The following AP2A1 variants were observed in gnomAD, a reference collection of about 807,000 sequenced individuals.
AP2A1 encodes AP-2 complex subunit alpha-1.
AP2A1 carries 21 observed loss-of-function variants against 107.3 expected under a neutral mutation model. That is an observed-to-expected ratio of 0.20 (90% CI 0.14 to 0.28). The LOEUF (loss-of-function observed/expected upper bound fraction) is 0.28, where lower values mean the gene tolerates loss of function less well. Ranked by LOEUF, AP2A1 falls within the 10% of genes least tolerant of loss-of-function variation. The pLI is 1.00. For synonymous variants in AP2A1, 602 were observed against 564.8 expected (o/e 1.07, Z -0.93); for missense variants, 873 against 1,307.7 (o/e 0.67, Z 5.13).
intron 1 of AP2A1, among the ~76,000 whole-genome samples, chr19:49,778,886 G>A (rs549127793): frequency 7.6e-6 from 1 of 132,182 alleles, no homozygotes; most frequent in South Asian, 2.3e-4. Context: ...GTATATATAC[G>A]TATTTATGAC....
At chr19:49,790,600 A>G (rs1370875905) in intron 4 of AP2A1, among the ~76,000 whole-genome samples, 1 of 152,036 alleles carries the variant, frequency 6.6e-6, no homozygotes, top group East Asian at 1.9e-4. Flanking sequence ...GGGTCTCACC[A>G]TGTTGCCCAG....
At chr19:49,790,892 C>T (rs1255546845) in intron 4 of AP2A1, among the ~76,000 whole-genome samples, 4 of 152,226 alleles carry the variant, frequency 2.6e-5, no homozygotes, top group African/African-American at 9.6e-5. Context: ...CGAAGGGGTC[C>T]GGGGGCAGCT....
At chr19:49,801,668 C>T in intron 13 of AP2A1, 47 bp downstream of exon 13, 1 of 1,318,932 alleles carries the variant, frequency 7.6e-7, no homozygotes, top group Non-Finnish European at 1.0e-6. Flanking sequence ...CACCCCCTTC[C>T]CGCCCTCCCC....
chr19:49,802,465 C>A, intron 15 of AP2A1: 4 of 1,486,756 alleles, frequency 2.7e-6, no homozygotes, highest in Non-Finnish European at 3.7e-6. Context: ...TGCCCTCTCG[C>A]TGCCTATGTG....
chr19:49,791,938 C>T lies in AP2A1; in HGVS notation c.477C>T (p.Asp159=), dbSNP rs755250496. ...GCCCTGCATGGTGTCCCCACAGGGACAGCATGGACAGTGTCAAGCAGAGTG... is the reference window on the plus strand; with the variant it reads ...GCCCTGCATGGTGTCCCCACAGGGATAGCATGGACAGTGTCAAGCAGAGTG... ...ADIPRILVAG[D]SMDSVKQSAA... is the part of the protein sequence containing the mutation. The change falls in exon 5 of 23, where the codon GAC becomes GAT. Residue 159 remains aspartate (D), a synonymous_variant. Transcript: ENST00000354293. 1.4e-5 allele frequency: 22 copies of T among 1,607,700 alleles called. No homozygotes were observed. The South Asian group carries it at 2.2e-4, about 16-fold the overall frequency.
chr19:49,793,166 C>G, intron 6 of AP2A1, 74 bp downstream of exon 6: 1 of 1,352,476 alleles, frequency 7.4e-7, no homozygotes, highest in Non-Finnish European at 1.0e-6. Context: ...CCTCAGGCCC[C>G]CACTCTCCCT....
Position 49,802,022 on chromosome 19 carries a change from A to T in AP2A1, c.1995A>T (p.Ala665=). Residue 665 remains alanine, a synonymous_variant, in exon 15 of 23, where the codon GCA becomes GCT. Transcript: ENST00000354293. ...CCGCCGACCTCCTGGGGCTGCGGGCAGCCCCTCCCCCGGCAGCACCCCCGG... is the reference window on the plus strand; with the variant it reads ...CCGCCGACCTCCTGGGGCTGCGGGCTGCCCCTCCCCCGGCAGCACCCCCGG... ...SPSADLLGLR[A]APPPAAPPAS... 6.4e-7 allele frequency: 1 copy of T among 1,560,626 alleles called. No individual in the cohort carries two copies. Among genetic ancestry groups the T allele is most frequent in the Non-Finnish European group, 8.6e-7 (1 of 1,158,542 alleles).
intron 18 of AP2A1, chr19:49,804,860 C>T (rs114198499): frequency 0.013 from 1,909 of 152,178 alleles, 34 homozygotes; most frequent in South Asian, 0.077. Context: ...GGATTACAGG[C>T]GTGAGCCGCC....
At chr19:49,791,767 C>T in intron 4 of AP2A1, 168 bp from the exon 5 acceptor site, 1 of 727,452 alleles carries the variant, frequency 1.4e-6, no homozygotes, top group Non-Finnish European at 2.2e-6. Flanking sequence ...GACACTGAGT[C>T]CTGGTGGGCC....
chr19:49,802,418 C>G, intron 15 of AP2A1: 3 of 1,072,176 alleles, frequency 2.8e-6, no homozygotes, highest in Non-Finnish European at 4.2e-6. Flanking sequence ...CTCCTTCTCT[C>G]CTTCCCTCTT....
rs374406474 is a variant in AP2A1 at position 49,769,893 on chromosome 19, G to A, written c.67+2693G>A. ...GGGTTGGTGATACATTTTTTTTTCC[G>A]AGACAGTCTCTGTTGCCCAGGTTGG... On this transcript the variant is annotated intron_variant, in intron 1 of 22. Transcript: ENST00000354293. 5.9e-5 allele frequency among the ~76,000 whole-genome samples: 9 copies of A among 151,774 alleles called. 1 individual carries two copies. The highest frequency in any genetic ancestry group is 6.6e-5 in the Admixed American group (1 of 15,232).
intron 21 of AP2A1, 30 bp downstream of exon 21, chr19:49,805,971 T>A: frequency 1.9e-6 from 3 of 1,613,424 alleles, no homozygotes; most frequent in Non-Finnish European, 2.5e-6. Context: ...TTTGCCGGCC[T>A]ATGGCTGCTT....
At chr19:49,792,303 C>T (rs538502181) in intron 5 of AP2A1, among the ~76,000 whole-genome samples, 1 of 144,712 alleles carries the variant, frequency 6.9e-6, no homozygotes, top group African/African-American at 2.6e-5. Context: ...CACCTCAGCC[C>T]TCACGCCCCC....
At chr19:49,805,230 C>T (rs1467716013) in intron 18 of AP2A1, 2 of 512,610 alleles carry the variant, frequency 3.9e-6, no homozygotes, top group Non-Finnish European at 3.4e-6. Flanking sequence ...TGTCTCAGTG[C>T]GGTGTGACAT....
intron 7 of AP2A1, 95 bp downstream of exon 7, chr19:49,795,833 C>A: frequency 2.0e-6 from 2 of 984,322 alleles, no homozygotes; most frequent in South Asian, 1.4e-5. Context: ...ACTGGAGGGT[C>A]TGGGTCAGGA....
Position 49,785,189 on chromosome 19 carries a change from G to A in AP2A1, c.473+2465G>A, listed in dbSNP as rs1329825612. 6.6e-6 allele frequency among the ~76,000 whole-genome samples: 1 copy of A among 152,194 alleles called. No homozygotes were observed. Among genetic ancestry groups the A allele is most frequent in the Non-Finnish European group, 1.5e-5 (1 of 68,038 alleles). On this transcript the variant is annotated intron_variant, in intron 4 of 22. Transcript: ENST00000354293. The surrounding 1 kb of genome is among the most constrained non-coding windows in gnomAD (Gnocchi z 4.1). Reference sequence around the variant, plus strand: ...AATGGATGAAAGAGGCTGATCCCCAGATTCAAATAGGCCAGGAAATCATAA... The same window carrying A: ...AATGGATGAAAGAGGCTGATCCCCAAATTCAAATAGGCCAGGAAATCATAA...
chr19:49,799,706 G>C lies in AP2A1; in HGVS notation c.1212G>C (p.Gln404His). The change falls in exon 10 of 23, where the codon CAG (glutamine) becomes CAC (histidine). Residue 404 changes from glutamine to histidine, a missense_variant. Transcript: ENST00000354293. Reference protein sequence around the residue: ...YAMCDRSNAKQIVSEMLRYLE... With the variant: ...YAMCDRSNAKHIVSEMLRYLE... ...TGTGTGACCGGAGCAATGCCAAGCA[G>C]ATCGTGTCGGAGATGCTGCGGTACC... 6.2e-7 allele frequency: 1 copy of C among 1,613,438 alleles called. No homozygotes were observed. Among genetic ancestry groups the C allele is most frequent in the Non-Finnish European group, 8.5e-7 (1 of 1,179,896 alleles).
intron 7 of AP2A1, among the ~76,000 whole-genome samples, chr19:49,797,862 C>T (rs990676014): frequency 2.0e-5 from 3 of 152,192 alleles, no homozygotes; most frequent in African/African-American, 7.2e-5. Flanking sequence ...AGAAGGATCG[C>T]TTGAGCCCAG....
intron 1 of AP2A1, among the ~76,000 whole-genome samples, chr19:49,780,738 C>T: frequency 6.6e-6 from 1 of 152,062 alleles, no homozygotes; most frequent in Non-Finnish European, 1.5e-5. Flanking sequence ...TGGCTGGGCA[C>T]AGTGGCTCAT....
Sources: allele counts gnomAD v4.1 joint callset (sites outside exome capture counted in the v4.1 genomes callset), GRCh38; gene constraint gnomAD v4.1.1; non-coding constraint Gnocchi (gnomAD v3.1); transcripts MANE v1.5; gene names NCBI Gene and HGNC (gene_info 2026-07-23, HGNC 2026-07-21).